Variants in NRAP observed in about 807,000 individuals in gnomAD.
The protein encoded by NRAP is nebulin-related-anchoring protein.
A neutral mutation model predicts 225.9 loss-of-function variants in NRAP; 189 were observed. The ratio of observed to expected loss-of-function variants is 0.84; its 90% CI spans 0.74 to 0.94. The LOEUF is 0.94. Ranked by LOEUF, NRAP falls within the 40% of genes least tolerant of loss-of-function variation. The pLI is 0.00. For missense variants in NRAP, 2,176 were observed against 2,168.7 expected (o/e 1.00, Z -0.07); for synonymous variants, 769 against 790.7 (o/e 0.97, Z 0.46).
At chr10:113,621,756 C>T in intron 24 of NRAP, 113 bp downstream of exon 24, 1 of 954,028 alleles carries the variant, frequency 1.0e-6, no homozygotes, top group South Asian at 1.7e-5. Context: ...GATCCAGAAA[C>T]AGGTGTCCCA....
chr10:113,643,627 G>T (rs564880506), intron 11 of NRAP, among the ~76,000 whole-genome samples: 6 of 152,328 alleles, frequency 3.9e-5, no homozygotes, highest in African/African-American at 1.2e-4. Context: ...GCTCTCCCGG[G>T]TGCCTGGATG....
At chr10:113,589,889 T>A in intron 40 of NRAP, 92 bp from the exon 41 acceptor site, 1 of 1,377,848 alleles carries the variant, frequency 7.3e-7, no homozygotes, top group Non-Finnish European at 1.0e-6. Flanking sequence ...GCAGCCACAG[T>A]ATGAGACTAT....
intron 37 of NRAP, among the ~76,000 whole-genome samples, chr10:113,596,054 T>C (rs1264277581): frequency 2.0e-5 from 3 of 152,176 alleles, no homozygotes; most frequent in Non-Finnish European, 4.4e-5. Context: ...TTTCAGAGAA[T>C]CTTTGCAATT....
intron 11 of NRAP, 102 bp from the exon 12 acceptor site, chr10:113,643,140 C>A: frequency 1.6e-6 from 1 of 635,994 alleles, no homozygotes; most frequent in South Asian, 2.0e-5. Flanking sequence ...ACTTTCAACC[C>A]AAGATTTTAA....
chr10:113,610,322 C>G, intron 31 of NRAP, 137 bp downstream of exon 31: 2 of 528,740 alleles, frequency 3.8e-6, no homozygotes, highest in Non-Finnish European at 6.7e-6. Context: ...TCTACTCCAG[C>G]CTGGGTGACA....
intron 22 of NRAP, among the ~76,000 whole-genome samples, chr10:113,624,034 G>A (rs534978970): frequency 8.5e-5 from 13 of 152,090 alleles, no homozygotes; most frequent in South Asian, 2.1e-4. Flanking sequence ...CTTTCCTCCC[G>A]CCTTCCCCCA....
intron 3 of NRAP, 24 bp downstream of exon 3, chr10:113,662,646 ACCCTCCATC>A: frequency 9.1e-7 from 1 of 1,094,162 alleles, no homozygotes; most frequent in Non-Finnish European, 1.4e-6. Flanking sequence ...CATTCTCCAT[ACCCTCCATC>A]CCACTGAAAA....
At chr10:113,593,083 T>G (rs1846087520) in intron 38 of NRAP, among the ~76,000 whole-genome samples, 3 of 151,850 alleles carry the variant, frequency 2.0e-5, no homozygotes, top group Admixed American at 2.0e-4. Context: ...AATGGCTCTA[T>G]AAAAGGAGGC....
At chr10:113,651,372 G>T (rs1426594557) in intron 7 of NRAP, among the ~76,000 whole-genome samples, 1 of 152,084 alleles carries the variant, frequency 6.6e-6, no homozygotes, top group African/African-American at 2.4e-5. Flanking sequence ...TACATGTGCA[G>T]GACGTGCAGG....
At chr10:113,606,411 A>G (rs1846972035) in intron 32 of NRAP, 129 bp from the exon 33 acceptor site, 2 of 618,702 alleles carry the variant, frequency 3.2e-6, no homozygotes, top group East Asian at 5.5e-5. Context: ...TCATGGATAC[A>G]TCTCCAGTCT....
chr10:113,638,929 T>C (rs1357956105), intron 14 of NRAP, among the ~76,000 whole-genome samples: 1 of 152,142 alleles, frequency 6.6e-6, no homozygotes, highest in Non-Finnish European at 1.5e-5. Context: ...CTCAGAGTCT[T>C]ATCTAGATAA....
intron 31 of NRAP, among the ~76,000 whole-genome samples, chr10:113,609,285 G>A (rs1195828005): frequency 6.6e-6 from 1 of 152,212 alleles, no homozygotes; most frequent in Non-Finnish European, 1.5e-5. Flanking sequence ...CATTTCTTAA[G>A]GTTTTTTAAG....
chr10:113,634,190 G>A lies in NRAP; in HGVS notation c.1449C>T (p.Ile483=), dbSNP rs141308047. 204 of 1,612,712 alleles carry A rather than the reference G, an allele frequency of 1.3e-4. 1 individual carries two copies. Among genetic ancestry groups the A allele is most frequent in the African/African-American group, 4.8e-4 (36 of 74,990 alleles). ...PLKDANYRQS[I]DKLKYSSVTD... Reference sequence around the variant, plus strand: ...TCACCGAGCTGTACTTCAACTTGTCGATGCTCTGCCTATAATTGGCCTAGG... The same window carrying A: ...TCACCGAGCTGTACTTCAACTTGTCAATGCTCTGCCTATAATTGGCCTAGG... Residue 483 remains isoleucine (I), a synonymous_variant, in exon 15 of 42, where the codon ATC becomes ATT. Transcript: ENST00000359988.
At chr10:113,608,673 C>T (rs1211594542) in intron 31 of NRAP, among the ~76,000 whole-genome samples, 161 bp from the exon 32 acceptor site, 7 of 152,234 alleles carry the variant, frequency 4.6e-5, no homozygotes, top group African/African-American at 1.7e-4. Context: ...GACCCCAAAA[C>T]TCACTGGGAT....
intron 14 of NRAP, among the ~76,000 whole-genome samples, chr10:113,635,064 A>C (rs988830472): frequency 6.6e-6 from 1 of 152,242 alleles, no homozygotes; most frequent in Non-Finnish European, 1.5e-5. Context: ...AGCTGGATGC[A>C]TTGACTGCCT....
chr10:113,615,333 G>T (rs146520473), intron 27 of NRAP, among the ~76,000 whole-genome samples: 1 of 152,192 alleles, frequency 6.6e-6, no homozygotes, highest in African/African-American at 2.4e-5. Flanking sequence ...TGGTGGGCAG[G>T]GGAGCTGACA....
intron 2 of NRAP, among the ~76,000 whole-genome samples, 154 bp from the exon 3 acceptor site, chr10:113,662,920 G>T (rs976700572): frequency 3.9e-5 from 6 of 152,006 alleles, no homozygotes; most frequent in African/African-American, 9.7e-5. Context: ...TCCAGGCAAT[G>T]CATCTTACAG....
intron 4 of NRAP, among the ~76,000 whole-genome samples, chr10:113,654,507 CAAAAAAA>C (rs56238053): frequency 4.7e-5 from 6 of 128,692 alleles, no homozygotes; most frequent in Non-Finnish European, 9.6e-5. Context: ...GCAATAAAAG[CAAAAAAA>C]AAAAAAAAAA....
Position 113,641,391 on chromosome 10 carries a change from T to C in NRAP, c.1297A>G (p.Met433Val). ...TTGCTTGCCAGGCTGCCAACTTTCA[T>C]AGCATGCAGAGTGCGTCTGTCCATA... ...VGMDRRTLHA[M>V]KVGSLASNVA... Residue 433 changes from methionine (M) to valine (V), a missense_variant, in exon 13 of 42, where the codon ATG becomes GTG. By Grantham distance (21) the Met-to-Val change is conservative. Coordinates refer to ENST00000359988, the MANE Select transcript of NRAP (RefSeq NM_198060.4). The C allele has an allele frequency of 1.9e-6, 3 of 1,613,596 alleles. No individual in the cohort carries two copies. The highest frequency in any genetic ancestry group is 2.5e-6 in the Non-Finnish European group (3 of 1,179,636).
Sources: gnomAD v4.1 joint callset for allele counts (sites outside exome capture counted in the v4.1 genomes callset) on GRCh38, gnomAD v4.1.1 for gene constraint, MANE v1.5 for transcripts, NCBI Gene and HGNC (gene_info 2026-07-23, HGNC 2026-07-21) for gene names.